FTCD: variants seen among roughly 807,000 people sequenced by gnomAD.
The protein encoded by FTCD is formimidoyltransferase-cyclodeaminase.
In FTCD, 76 loss-of-function variants were observed where a neutral mutation model predicts 62.9. The observed-to-expected ratio is 1.21, with a 90% CI of 1.00 to 1.46. The LOEUF (loss-of-function observed/expected upper bound fraction) is 1.46. Ranked by LOEUF, FTCD falls within the 40% of genes most tolerant of loss-of-function variation. The pLI, the probability that FTCD is intolerant of heterozygous loss-of-function variation, is 0.00. For missense variants in FTCD, 845 were observed against 751.3 expected, an observed-to-expected ratio of 1.12 and a Z score of -1.46; for synonymous variants, 397 against 336.9, an observed-to-expected ratio of 1.18 and a Z score of -1.95.
chr21:46,137,103 T>C (rs1461094637), intron 13 of FTCD, 30 bp from the exon 14 acceptor site: 4 of 1,613,192 alleles, frequency 2.5e-6, no homozygotes, highest in Non-Finnish European at 3.4e-6. Context: ...AGGGGTCTGG[T>C]AGTTCCAGTC....
chr21:46,137,088 G>C lies in FTCD; in HGVS notation c.1540-15C>G, dbSNP rs776283692. ...CGATGGTGGATCTGATGGACACAGG[G>C]AAAGAGGGGTCTGGTAGTTCCAGTC... On this transcript the variant is annotated splice_polypyrimidine_tract_variant and intron_variant, in intron 13 of 13. Transcript: ENST00000397746. 16 of 1,613,622 alleles carry C rather than the reference G, an allele frequency of 9.9e-6. No individual in the cohort carries two copies. The South Asian group carries it at 1.1e-4, about 11-fold the overall frequency.
At chr21:46,142,600 C>T (rs2079043736) in intron 10 of FTCD, 1 of 152,260 alleles carries the variant, frequency 6.6e-6, no homozygotes, top group Non-Finnish European at 1.5e-5. Context: ...GTGAGTGTTA[C>T]AGGTCGTAAA....
intron 10 of FTCD, among the ~76,000 whole-genome samples, chr21:46,143,307 C>G (rs1457811292): frequency 6.6e-6 from 1 of 151,626 alleles, no homozygotes; most frequent in Non-Finnish European, 1.5e-5. Flanking sequence ...CCACTCTGTC[C>G]CTCCCTGTCT....
In FTCD at chr21:46,145,861, G is replaced by A. The variant is rs560811619; in HGVS notation, c.1055C>T (p.Ala352Val). The A allele has an allele frequency of 5.2e-5, 64 of 1,224,732 alleles. No individual in the cohort carries two copies. The highest frequency in any genetic ancestry group is 8.6e-5 in the Admixed American group (2 of 23,366). 75.9% of individuals were successfully genotyped at this position (1,224,732 alleles called of 1,614,324 possible). ...AFVGEVGARSAAPGGGSVAAA... is the reference protein window; with the variant it reads ...AFVGEVGARSVAPGGGSVAAA... Reference sequence around the variant, plus strand: ...CGCCACCGAGCCGCCCCCGGGGGCCGCAGAGCGGGCACCCACCTCCCCCAC... The same window carrying A: ...CGCCACCGAGCCGCCCCCGGGGGCCACAGAGCGGGCACCCACCTCCCCCAC... The change falls in exon 9 of 14, where the codon GCG becomes GTG. Residue 352 changes from alanine to valine, a missense_variant. Ala to Val is a moderately conservative substitution (Grantham distance 64). Coordinates refer to ENST00000397746, the MANE Select transcript of FTCD (RefSeq NM_206965.2).
chr21:46,146,478 A>AC (rs902750207), intron 7 of FTCD, 151 bp from the exon 8 acceptor site: 3 of 647,700 alleles, frequency 4.6e-6, no homozygotes, highest in African/African-American at 1.8e-5. Flanking sequence ...CGTGGCTGGC[A>AC]CCCCCCACCT....
At chr21:46,147,490 A>G (rs1174384793) in intron 7 of FTCD, among the ~76,000 whole-genome samples, 1 of 152,224 alleles carries the variant, frequency 6.6e-6, no homozygotes, top group East Asian at 1.9e-4. Context: ...CCAGGTGTCC[A>G]AGAATTACCA....
At chr21:46,153,573 C>T (rs977191896) in intron 2 of FTCD, among the ~76,000 whole-genome samples, 3 of 152,224 alleles carry the variant, frequency 2.0e-5, no homozygotes, top group African/African-American at 4.8e-5. Context: ...CAGGGGACGC[C>T]AGCCTCCCCC....
rs2079234121 is a variant in FTCD, at chr21:46,150,205, G to C, written c.820C>G (p.Pro274Ala). 1 of 1,609,370 alleles carries C rather than the reference G, an allele frequency of 6.2e-7. No individual in the cohort carries two copies. The highest frequency in any genetic ancestry group is 8.5e-7 in the Non-Finnish European group (1 of 1,178,544). Residue 274 changes from proline (P) to alanine (A), a missense_variant, in exon 7 of 14, where the codon CCC becomes GCC. Pro to Ala is a conservative substitution (Grantham distance 27, BLOSUM62 -1). Transcript: ENST00000397746. ...GCCGCATCCAGCAGAGCCTTCAGGG[G>C]CACCAGGCCCACCAGCTGTGAGCCC... ...VVGSQLVGLV[P>A]LKALLDAAAF... is the part of the protein sequence containing the mutation.
At chr21:46,144,368 T>TCCCCTCTC (rs2079078658) in intron 10 of FTCD, among the ~76,000 whole-genome samples, 1 of 116,832 alleles carries the variant, frequency 8.6e-6, no homozygotes, top group Non-Finnish European at 1.8e-5. Flanking sequence ...TACACCTCTC[T>TCCCCTCTC]CCCCTCTCTC....
intron 12 of FTCD, 25 bp downstream of exon 12, chr21:46,138,483 C>T (rs763159647): frequency 1.4e-5 from 22 of 1,570,118 alleles, no homozygotes; most frequent in African/African-American, 1.3e-5. Flanking sequence ...CGGCAGGAGG[C>T]CTGGGGTCCC....
At position 46,150,553 on chromosome 21, in the gene FTCD, G is replaced by T. The variant is rs192063078; in HGVS notation, c.637-28C>A. On this transcript the variant is annotated intron_variant, in intron 5 of 13. Transcript: ENST00000397746. The stretch of plus-strand genomic sequence containing the variant: ...GCAAAGGAAGAGCGTTCCCCAGCCT[G>T]GACTAGGAAGCTCATCCTGCCTGGC... 4.0e-3 allele frequency: 6,467 copies of T among 1,612,242 alleles called. 130 individuals are homozygous for T. Among genetic ancestry groups the T allele is most frequent in the East Asian group, 0.027 (1,222 of 44,870 alleles).
In FTCD at chr21:46,137,089, A is replaced by C. The variant is rs562037547; in HGVS notation, c.1540-16T>G. ...GATGGTGGATCTGATGGACACAGGG[A>C]AAGAGGGGTCTGGTAGTTCCAGTCT... is the stretch of plus-strand genomic sequence containing the variant. On this transcript the variant is annotated splice_polypyrimidine_tract_variant and intron_variant, in intron 13 of 13. Transcript: ENST00000397746. 1 of 1,611,490 alleles carries C rather than the reference A, an allele frequency of 6.2e-7. No homozygotes were observed. The highest frequency in any genetic ancestry group is 1.3e-5 in the African/African-American group (1 of 75,040).
intron 7 of FTCD, among the ~76,000 whole-genome samples, chr21:46,149,332 G>A (rs2079214495): frequency 6.6e-6 from 1 of 152,210 alleles, no homozygotes; most frequent in African/African-American, 2.4e-5. Flanking sequence ...AGCTGCTGCA[G>A]CATCACGGGG....
In FTCD at chr21:46,152,246, G is replaced by T. The variant is rs372625219; in HGVS notation, c.368-266C>A. Reference sequence around the variant, plus strand: ...GGTTAGGATGGAACATGTGGGACATGCTAACGGCAGGACGTTCATGCTTCT... The same window carrying T: ...GGTTAGGATGGAACATGTGGGACATTCTAACGGCAGGACGTTCATGCTTCT... On this transcript the variant is annotated intron_variant, in intron 3 of 13. Transcript: ENST00000397746. 136 of 456,786 alleles carry T rather than the reference G, an allele frequency of 3.0e-4. 1 individual carries two copies. The East Asian group carries it at 4.3e-3, about 15-fold the overall frequency. The allele number at this position is 456,786 out of a possible 1,614,324, so 28.3% of individuals were successfully genotyped here. A position where few individuals can be genotyped will look rare whatever the true frequency, so the allele number is the denominator to read the frequency against.
intron 3 of FTCD, 33 bp from the exon 4 acceptor site, chr21:46,152,013 G>A (rs553505639): frequency 2.0e-5 from 29 of 1,475,118 alleles, no homozygotes; most frequent in Admixed American, 1.2e-4. Context: ...GGCCTGGACC[G>A]GCAGGGGGTC....
At chr21:46,136,538 G>A (rs746573333), downstream of FTCD, 10 of 1,607,550 alleles carry the variant, frequency 6.2e-6, no homozygotes, top group Admixed American at 6.7e-5. Context: ...TCAGACAAGG[G>A]GCCTCACAGC....
At position 46,151,973 on chromosome 21, in the gene FTCD, C is replaced by T; in HGVS notation, c.375G>A (p.Leu125=). ...TGTCCATCCTGGCTGCCTCGCCGTA[C>T]AGGTAAACTGCAGGAGAGCCCGGCG... ...LAEELDVPVY[L]YGEAARMDSR... Residue 125 remains leucine, a synonymous_variant, in exon 4 of 14, where the codon CTG becomes CTA. Coordinates refer to ENST00000397746, the MANE Select transcript of FTCD (RefSeq NM_206965.2). 1.3e-6 allele frequency: 2 copies of T among 1,565,936 alleles called. No homozygotes were observed. The highest frequency in any genetic ancestry group is 1.2e-5 in the South Asian group (1 of 85,422).
In FTCD at chr21:46,137,297, G is replaced by A; in HGVS notation, c.1481C>T (p.Ala494Val). ...AKALEMGVFG[A>V]YFNVLINLRD... ...CAGGTTGATGAGCACGTTGAAATAT[G>A]CGCCAAACACGCCCATCTCCAGGGC... Residue 494 changes from alanine to valine, a missense_variant, in exon 13 of 14, where the codon GCA becomes GTA. By Grantham distance (64) the Ala-to-Val change is moderately conservative. Transcript: ENST00000397746. 3 of 1,613,816 alleles carry A rather than the reference G, an allele frequency of 1.9e-6. No homozygotes were observed. Among genetic ancestry groups the A allele is most frequent in the South Asian group, 1.1e-5 (1 of 91,080 alleles).
chr21:46,149,578 A>T (rs979143476), intron 7 of FTCD, among the ~76,000 whole-genome samples: 14 of 152,170 alleles, frequency 9.2e-5, no homozygotes, highest in African/African-American at 3.4e-4. Context: ...CTCTGCAGTG[A>T]CCTCGAGTGA....
Sources: allele counts gnomAD v4.1 joint callset (sites outside exome capture counted in the v4.1 genomes callset), GRCh38; gene constraint gnomAD v4.1.1; transcripts MANE v1.5; gene names NCBI Gene and HGNC (gene_info 2026-07-23, HGNC 2026-07-21).